The following LINGO2 variants were observed in gnomAD, a reference collection of about 807,000 sequenced individuals.
The protein encoded by LINGO2 is leucine-rich repeat and immunoglobulin-like domain-containing nogo receptor-interacting protein 2.
Under a neutral mutation model 30.6 loss-of-function variants are expected in LINGO2, and 14 were observed. The ratio of observed to expected loss-of-function variants is 0.46; its 90% confidence interval spans 0.30 to 0.72. The LOEUF (loss-of-function observed/expected upper bound fraction) is 0.72, where lower values mean the gene tolerates loss of function less well. Among genes scored for constraint, LINGO2 ranks in the 30% least tolerant of loss-of-function variants. The pLI is 0.07. For missense variants in LINGO2, 729 were observed against 751.7 expected, an observed-to-expected ratio of 0.97 and a Z score of 0.35; for synonymous variants, 317 against 288.5, an observed-to-expected ratio of 1.10 and a Z score of -1.00.
chr9:28,111,966 A>C (rs867354454), intron 4 of LINGO2, among the ~76,000 whole-genome samples: 2 of 147,872 alleles, frequency 1.4e-5, no homozygotes, highest in Non-Finnish European at 3.0e-5. Flanking sequence ...TGTGCAGGTT[A>C]GTTACATATG....
At chr9:27,949,212 T>C in exon 6 of LINGO2, 1 of 1,614,066 alleles carries the variant, frequency 6.2e-7, no homozygotes, top group African/African-American at 1.3e-5. Context: ...CCCAGCAGCA[T>C]TGCTAGCGAT....
At chr9:27,949,635 G>C in exon 6 of LINGO2, 4 of 1,614,066 alleles carry the variant, frequency 2.5e-6, no homozygotes, top group Non-Finnish European at 3.4e-6. Flanking sequence ...GACCTCCAGA[G>C]CCCTAGGGGA....
intron 1 of LINGO2, among the ~76,000 whole-genome samples, chr9:28,517,822 T>C (rs1457066628): frequency 1.3e-5 from 2 of 152,130 alleles, no homozygotes; most frequent in Non-Finnish European, 2.9e-5. Flanking sequence ...TTTTCCCCAA[T>C]AGAAACACAA....
At chr9:28,713,793 A>G in the LINGO2 span, among the ~76,000 whole-genome samples, 1 of 152,152 alleles carries the variant, frequency 6.6e-6, no homozygotes, top group Admixed American at 6.5e-5. Flanking sequence ...ACTGGGGATC[A>G]TTAATACATA....
intron 5 of LINGO2, among the ~76,000 whole-genome samples, chr9:28,003,382 GAT>G (rs1221269474): frequency 2.3e-3 from 314 of 137,064 alleles, no homozygotes; most frequent in East Asian, 8.2e-3. Flanking sequence ...TAGATAGATA[GAT>G]ATAGAGAGAG....
intron 4 of LINGO2, among the ~76,000 whole-genome samples, chr9:28,265,549 AT>A (rs1822719040): frequency 6.6e-6 from 1 of 152,020 alleles, no homozygotes; most frequent in Non-Finnish European, 1.5e-5. Flanking sequence ...GTAAGAAGAT[AT>A]TTTTGCTTTT....
chr9:28,845,523 T>C, the LINGO2 span, among the ~76,000 whole-genome samples: 2 of 151,864 alleles, frequency 1.3e-5, no homozygotes, highest in African/African-American at 4.9e-5. Flanking sequence ...CAAAAATTAA[T>C]TGTAGCCAAT....
the LINGO2 span, among the ~76,000 whole-genome samples, chr9:28,750,620 A>C: frequency 6.6e-6 from 1 of 152,070 alleles, no homozygotes; most frequent in East Asian, 1.9e-4. Flanking sequence ...CTTGAAAAAA[A>C]TTAACAGATT....
chr9:28,602,602 C>T (rs1401452516), intron 1 of LINGO2, among the ~76,000 whole-genome samples: 1 of 151,912 alleles, frequency 6.6e-6, no homozygotes, highest in Non-Finnish European at 1.5e-5. Flanking sequence ...TATATTTTTC[C>T]AGAGAAAAGA....
At chr9:29,173,354 G>T in the LINGO2 span, among the ~76,000 whole-genome samples, 1 of 152,062 alleles carries the variant, frequency 6.6e-6, no homozygotes, top group Non-Finnish European at 1.5e-5. Context: ...CAATAGACAT[G>T]CTTCCTTTTA....
intron 2 of LINGO2, among the ~76,000 whole-genome samples, chr9:28,398,164 A>G (rs1822129473): frequency 6.6e-6 from 1 of 152,138 alleles, no homozygotes; most frequent in Non-Finnish European, 1.5e-5. Context: ...TATCTGCATA[A>G]CCCATGTTAT....
chr9:29,041,260 A>G, the LINGO2 span, among the ~76,000 whole-genome samples: 1 of 152,008 alleles, frequency 6.6e-6, no homozygotes, highest in South Asian at 2.1e-4. Flanking sequence ...ATTTTCCCCA[A>G]ATTGATTTAT....
At chr9:29,045,670 G>A in the LINGO2 span, among the ~76,000 whole-genome samples, 1 of 151,618 alleles carries the variant, frequency 6.6e-6, no homozygotes, top group Admixed American at 6.6e-5. Context: ...TTTTTCCTAG[G>A]TCTGTGAAGA....
At chr9:28,965,082 A>G in the LINGO2 span, among the ~76,000 whole-genome samples, 1 of 151,960 alleles carries the variant, frequency 6.6e-6, no homozygotes, top group Non-Finnish European at 1.5e-5. Flanking sequence ...CTAAGTTGGC[A>G]TTTTATGCAT....
At chr9:28,741,589 T>C in the LINGO2 span, among the ~76,000 whole-genome samples, 1 of 151,942 alleles carries the variant, frequency 6.6e-6, no homozygotes, top group South Asian at 2.1e-4. Context: ...GTCCAGAGCA[T>C]AGCACTGCTG....
the LINGO2 span, among the ~76,000 whole-genome samples, chr9:28,985,566 G>A: frequency 6.6e-6 from 1 of 152,046 alleles, no homozygotes; most frequent in African/African-American, 2.4e-5. Flanking sequence ...TCCCACAGGT[G>A]AGATAATGTC....
intron 5 of LINGO2, among the ~76,000 whole-genome samples, chr9:27,982,443 A>G (rs1302586612): frequency 1.3e-5 from 2 of 151,882 alleles, no homozygotes; most frequent in Non-Finnish European, 2.9e-5. Flanking sequence ...ATGCATGTGC[A>G]TACAGATAAA....
chr9:28,417,096 A>AG (rs1822998863), intron 2 of LINGO2, among the ~76,000 whole-genome samples: 1 of 151,814 alleles, frequency 6.6e-6, no homozygotes, highest in Non-Finnish European at 1.5e-5. Context: ...AGTTCAGATA[A>AG]AAAAAAAGCT....
the LINGO2 span, among the ~76,000 whole-genome samples, chr9:28,802,854 A>G: frequency 4.6e-5 from 7 of 152,182 alleles, no homozygotes; most frequent in East Asian, 7.7e-4. Flanking sequence ...GCTAAGAAGT[A>G]TAAGTCCCCA....
Sources: allele counts gnomAD v4.1 joint callset (sites outside exome capture counted in the v4.1 genomes callset), GRCh38; gene constraint gnomAD v4.1.1; transcripts MANE v1.5; gene names NCBI Gene and HGNC (gene_info 2026-07-23, HGNC 2026-07-21).